The following TNIK variants were observed in gnomAD, a reference collection of about 807,000 sequenced individuals.
TNIK encodes TRAF2 and NCK-interacting protein kinase.
In TNIK, 49 loss-of-function variants were observed where a neutral mutation model predicts 191.3. That is an observed-to-expected ratio of 0.26 (90% CI 0.20 to 0.32). TNIK has a LOEUF of 0.32. TNIK is among the 10% of genes least tolerant of loss of function. The pLI is 1.00. For missense variants in TNIK, 1,155 were observed against 1,702.3 expected (o/e 0.68, Z 5.66); for synonymous variants, 594 against 600.9 (o/e 0.99, Z 0.17).
At chr3:171,165,674 G>A (rs867574254) in intron 10 of TNIK, among the ~76,000 whole-genome samples, 1 of 152,212 alleles carries the variant, frequency 6.6e-6, no homozygotes, top group Non-Finnish European at 1.5e-5. Flanking sequence ...ACTGAAGAGA[G>A]GAGAGAAATG....
intron 1 of TNIK, among the ~76,000 whole-genome samples, chr3:171,456,423 C>T (rs1207416143): frequency 6.6e-6 from 1 of 152,212 alleles, no homozygotes; most frequent in East Asian, 1.9e-4. Flanking sequence ...CACGTGGATA[C>T]GGTTTATATC....
chr3:171,171,760 T>C (rs530263991), intron 9 of TNIK, among the ~76,000 whole-genome samples: 14 of 152,264 alleles, frequency 9.2e-5, no homozygotes, highest in African/African-American at 3.4e-4. Flanking sequence ...GAAAATCTTT[T>C]GAAGGAGATG....
At chr3:171,380,054 C>T (rs1280433450) in intron 1 of TNIK, among the ~76,000 whole-genome samples, 1 of 151,928 alleles carries the variant, frequency 6.6e-6, no homozygotes, top group African/African-American at 2.4e-5. Context: ...CACACACACA[C>T]ACACGCAAGT....
chr3:171,324,707 GTTA>G lies in TNIK; in HGVS notation c.123+44910_123+44912del, dbSNP rs150142888. On this transcript the variant is annotated intron_variant, in intron 2 of 32. Transcript: ENST00000436636. Reference sequence around the variant, plus strand: ...AGCTTTCGAAAATGTCAGTTTTGTTGTTATTGTTGTTGTTTTTTACCCACACAT... The same window carrying G: ...AGCTTTCGAAAATGTCAGTTTTGTTGTTGTTGTTGTTTTTTACCCACACAT... Among the ~76,000 whole-genome samples the G allele has an allele frequency of 2.6e-3, 389 of 152,226 alleles. 4 individuals are homozygous for G. The highest frequency in any genetic ancestry group is 3.0e-3 in the Non-Finnish European group (201 of 67,998).
At position 171,084,161 on chromosome 3, in the gene TNIK, G is replaced by A. The variant is rs770845015; in HGVS notation, c.3163C>T (p.Leu1055=). 1.2e-5 allele frequency: 20 copies of A among 1,605,502 alleles called. No individual in the cohort carries two copies. The highest frequency in any genetic ancestry group is 1.7e-5 in the Non-Finnish European group (20 of 1,176,220). ...AAAAAAAGCACCAACATACCCCACA[G>A]AGCTGCACAAAGTATTTCTGAGTTG... The part of the protein sequence containing the change: ...RFNSEILCAA[L]WGVNLLVGTE... The change falls in exon 26 of 33, where the codon CTG becomes TTG. Residue 1055 remains leucine, a synonymous_variant. Transcript: ENST00000436636.
Position 171,205,914 on chromosome 3 carries a change from C to T in TNIK, c.306+5202G>A, listed in dbSNP as rs1041926911. Among the ~76,000 whole-genome samples, 7 of 152,184 alleles carry T rather than the reference C, an allele frequency of 4.6e-5. No individual in the cohort carries two copies. In the South Asian group the frequency reaches 1.2e-3, roughly 27 times the overall value. On this transcript the variant is annotated intron_variant, in intron 4 of 32. Coordinates refer to ENST00000436636, the MANE Select transcript of TNIK (RefSeq NM_015028.4). ...ATTTATAAGGGCTCCACCCTCATCA[C>T]CTGATCACCTGCCAAAGGCCTCACC...
In TNIK at chr3:171,228,204, C is replaced by G. The variant is rs770389607; in HGVS notation, c.141G>C (p.Thr47=). 7.4e-6 allele frequency: 12 copies of G among 1,613,336 alleles called. No individual in the cohort carries two copies. Among genetic ancestry groups the G allele is most frequent in the Non-Finnish European group, 9.3e-6 (11 of 1,179,558 alleles). Reference sequence around the variant, plus strand: ...TAACCTTGATGGCTGCAAGCTGGCCCGTTTTGACATGACGACCCTGTGAAG... The same window carrying G: ...TAACCTTGATGGCTGCAAGCTGGCCGGTTTTGACATGACGACCCTGTGAAG... ...GQVYKGRHVK[T]GQLAAIKVMD... The change falls in exon 3 of 33, where the codon ACG becomes ACC. Residue 47 remains threonine, a synonymous_variant. Coordinates refer to ENST00000436636, the MANE Select transcript of TNIK (RefSeq NM_015028.4).
chr3:171,368,139 CTCTTA>C (rs529713688), intron 2 of TNIK, among the ~76,000 whole-genome samples: 5 of 152,254 alleles, frequency 3.3e-5, no homozygotes, highest in South Asian at 2.1e-4. Flanking sequence ...TTGGTATCTC[CTCTTA>C]TAAGACTGCA....
intron 1 of TNIK, among the ~76,000 whole-genome samples, chr3:171,435,056 T>A (rs62281656): frequency 2.0e-5 from 3 of 152,024 alleles, no homozygotes; most frequent in African/African-American, 7.3e-5. Flanking sequence ...AGGGACCTGA[T>A]ACGTTTATTC....
intron 30 of TNIK, among the ~76,000 whole-genome samples, 159 bp from the exon 31 acceptor site, chr3:171,066,894 TG>T (rs1718509381): frequency 6.6e-6 from 1 of 152,236 alleles, no homozygotes; most frequent in East Asian, 1.9e-4. Flanking sequence ...TAAAATACCC[TG>T]GTAAATCAAA....
intron 7 of TNIK, among the ~76,000 whole-genome samples, chr3:171,187,820 C>G (rs1737549522): frequency 6.6e-6 from 1 of 152,124 alleles, no homozygotes; most frequent in Non-Finnish European, 1.5e-5. Flanking sequence ...GTCCATGCAC[C>G]TCTGAAACCA....
intron 24 of TNIK, among the ~76,000 whole-genome samples, chr3:171,086,875 C>G (rs1187760751): frequency 6.6e-6 from 1 of 152,200 alleles, no homozygotes; most frequent in Non-Finnish European, 1.5e-5. Flanking sequence ...AAGATGAACA[C>G]TCTAAGAACT....
At chr3:171,268,661 G>T (rs1221725113) in intron 2 of TNIK, among the ~76,000 whole-genome samples, 1 of 151,868 alleles carries the variant, frequency 6.6e-6, no homozygotes, top group Non-Finnish European at 1.5e-5. Flanking sequence ...ACCTCAAGCA[G>T]AGACTAGCTG....
At chr3:171,148,893 TACAAGGAAAGATTATATGTTAA>T (rs760375439) in intron 12 of TNIK, among the ~76,000 whole-genome samples, 6 of 152,138 alleles carry the variant, frequency 3.9e-5, no homozygotes, top group South Asian at 2.1e-4. Flanking sequence ...CCCACGGACA[TACAAGGAAAGATTATATGTTAA>T]ACAGGTTAGA....
At chr3:171,169,273 ATTT>A (rs869061202) in intron 9 of TNIK, among the ~76,000 whole-genome samples, 1 of 145,376 alleles carries the variant, frequency 6.9e-6, no homozygotes, top group Non-Finnish European at 1.5e-5. Context: ...TATTATCATT[ATTT>A]TTTTTTTTTT....
intron 1 of TNIK, among the ~76,000 whole-genome samples, chr3:171,388,158 TG>T (rs1718986813): frequency 6.6e-6 from 1 of 152,242 alleles, no homozygotes; most frequent in Admixed American, 6.5e-5. Flanking sequence ...ATACAAAGAC[TG>T]GCCTGGGCCA....
At chr3:171,154,034 A>G (rs538078625) in intron 12 of TNIK, among the ~76,000 whole-genome samples, 9 of 152,204 alleles carry the variant, frequency 5.9e-5, no homozygotes, top group Non-Finnish European at 8.8e-5. Context: ...ATATTTGTCA[A>G]ATGATGACCT....
intron 18 of TNIK, among the ~76,000 whole-genome samples, chr3:171,120,174 C>T (rs1443783087): frequency 6.6e-6 from 1 of 152,000 alleles, no homozygotes; most frequent in Non-Finnish European, 1.5e-5. Context: ...CATATGTGTC[C>T]CAAATGATCA....
chr3:171,247,359 A>G (rs1745705203), intron 2 of TNIK, among the ~76,000 whole-genome samples: 1 of 152,258 alleles, frequency 6.6e-6, no homozygotes, highest in Non-Finnish European at 1.5e-5. Flanking sequence ...TAGAATCAAC[A>G]GGACATGTAG....
Sources: gnomAD v4.1 joint callset for allele counts (sites outside exome capture counted in the v4.1 genomes callset) on GRCh38, gnomAD v4.1.1 for gene constraint, MANE v1.5 for transcripts, NCBI Gene and HGNC (gene_info 2026-07-23, HGNC 2026-07-21) for gene names.